The following SAMMSON variants were observed in gnomAD, a reference collection of about 807,000 sequenced individuals.
SAMMSON encodes survival associated mitochondrial melanoma specific oncogenic non-coding RNA.
intron 7 of SAMMSON, among the ~76,000 whole-genome samples, chr3:70,328,197 A>T (rs1702592034): frequency 6.6e-6 from 1 of 152,182 alleles, no homozygotes; most frequent in South Asian, 2.1e-4. Flanking sequence ...CCCTTCCACA[A>T]CACGTGGGAA....
intron 2 of SAMMSON, among the ~76,000 whole-genome samples, chr3:70,398,556 C>T (rs1045352803): frequency 2.0e-5 from 3 of 152,076 alleles, no homozygotes; most frequent in African/African-American, 7.2e-5. Flanking sequence ...ATGTGTTTGA[C>T]CAGTTTAAGT....
chr3:70,123,977 T>C (rs1019325066), intron 4 of SAMMSON, among the ~76,000 whole-genome samples: 1 of 152,244 alleles, frequency 6.6e-6, no homozygotes, highest in Admixed American at 6.5e-5. Flanking sequence ...CCATTTTCAA[T>C]GTTGTTGCCT....
At chr3:70,185,981 A>AAACCCAG (rs1023880234) in intron 4 of SAMMSON, among the ~76,000 whole-genome samples, 14 of 152,084 alleles carry the variant, frequency 9.2e-5, no homozygotes, top group Non-Finnish European at 1.8e-4. Flanking sequence ...TGTCTCAAAA[A>AAACCCAG]AACCCAGAAA....
chr3:70,011,599 GT>G (rs1328336932), intron 1 of SAMMSON, among the ~76,000 whole-genome samples: 9 of 149,538 alleles, frequency 6.0e-5, no homozygotes, highest in Non-Finnish European at 1.3e-4. Flanking sequence ...GAAATGAAGA[GT>G]TTACTTTTTT....
At chr3:70,153,143 C>T (rs755819131) in intron 4 of SAMMSON, among the ~76,000 whole-genome samples, 2 of 151,838 alleles carry the variant, frequency 1.3e-5, no homozygotes, top group South Asian at 2.1e-4. Context: ...AGGTGAGGGG[C>T]GTTATTCTGT....
intron 6 of SAMMSON, among the ~76,000 whole-genome samples, chr3:70,268,195 G>A (rs1183789329): frequency 6.6e-6 from 1 of 152,120 alleles, no homozygotes; most frequent in Non-Finnish European, 1.5e-5. Context: ...CTCCGGCTGG[G>A]CGCGGTAGCT....
intron 4 of SAMMSON, among the ~76,000 whole-genome samples, chr3:70,084,510 G>C (rs148742821): frequency 3.1e-4 from 47 of 152,194 alleles, no homozygotes; most frequent in African/African-American, 1.1e-3. Context: ...ACTGGGGTTG[G>C]AGAAGACAAT....
intron 4 of SAMMSON, among the ~76,000 whole-genome samples, chr3:70,098,577 C>T (rs539711824): frequency 2.6e-4 from 39 of 152,166 alleles, no homozygotes; most frequent in African/African-American, 9.2e-4. Context: ...CCATCTTGGC[C>T]AGGTTGGTCT....
At chr3:70,078,662 T>G (rs2067257307) in intron 4 of SAMMSON, among the ~76,000 whole-genome samples, 1 of 152,176 alleles carries the variant, frequency 6.6e-6, no homozygotes, top group South Asian at 2.1e-4. Flanking sequence ...CCTTTACTTT[T>G]AAGCAACTGA....
At chr3:70,222,374 T>C (rs2106737703) in intron 4 of SAMMSON, among the ~76,000 whole-genome samples, 1 of 152,360 alleles carries the variant, frequency 6.6e-6, no homozygotes, top group East Asian at 1.9e-4. Flanking sequence ...TTGGCATTTT[T>C]ATTTTTGTCA....
intron 4 of SAMMSON, among the ~76,000 whole-genome samples, chr3:70,137,087 T>TA (rs2067509090): frequency 6.6e-6 from 1 of 152,202 alleles, no homozygotes; most frequent in Non-Finnish European, 1.5e-5. Flanking sequence ...TCTCCCATCT[T>TA]ACGTCCAATG....
chr3:70,197,749 G>T (rs1357155236), intron 4 of SAMMSON, among the ~76,000 whole-genome samples: 2 of 152,144 alleles, frequency 1.3e-5, no homozygotes, highest in Non-Finnish European at 2.9e-5. Context: ...TTTGGGTTGT[G>T]TTTTATTTTT....
chr3:70,121,174 G>A (rs10084760), intron 4 of SAMMSON, among the ~76,000 whole-genome samples: 40,507 of 152,050 alleles, frequency 0.27, 5,659 homozygotes, highest in East Asian at 0.51. Flanking sequence ...GACAGGAGGC[G>A]GAGCTCAGGT....
chr3:70,380,079 C>T (rs1169951010), intron 9 of SAMMSON, among the ~76,000 whole-genome samples: 1 of 151,636 alleles, frequency 6.6e-6, no homozygotes, highest in South Asian at 2.1e-4. Context: ...AAAATAAATA[C>T]ATTTATATAA....
intron 9 of SAMMSON, among the ~76,000 whole-genome samples, chr3:70,367,365 C>A (rs1702930589): frequency 6.6e-6 from 1 of 151,514 alleles, no homozygotes; most frequent in African/African-American, 2.4e-5. Context: ...CTACTCTCTA[C>A]CTTCATGAGA....
intron 4 of SAMMSON, among the ~76,000 whole-genome samples, chr3:70,074,122 G>T (rs558195254): frequency 6.6e-6 from 1 of 151,972 alleles, no homozygotes; most frequent in East Asian, 1.9e-4. Context: ...TCAATTGAAA[G>T]AATTTTCTCC....
intron 8 of SAMMSON, among the ~76,000 whole-genome samples, chr3:70,357,566 A>C (rs1036693850): frequency 6.6e-6 from 1 of 152,222 alleles, no homozygotes; most frequent in African/African-American, 2.4e-5. Context: ...GTGGGGAACA[A>C]CACACACCAG....
Position 70,221,768 on chromosome 3 carries a change from G to A in SAMMSON, n.508-27339G>A, listed in dbSNP as rs17006864. On this transcript the variant is annotated intron_variant and non_coding_transcript_variant, in intron 4 of 9. Transcript: ENST00000642114. Reference sequence around the variant, plus strand: ...GGCTGTTGTCCCAATCCTTGGGACCGTGATTATATCGAGCATCATTGTTAA... The same window carrying A: ...GGCTGTTGTCCCAATCCTTGGGACCATGATTATATCGAGCATCATTGTTAA... Among the ~76,000 whole-genome samples the A allele has an allele frequency of 6.9e-3, 1,045 of 152,286 alleles. 61 individuals carry two copies. The East Asian group carries it at 0.15, about 21-fold the overall frequency.
At chr3:70,194,016 A>G (rs895677967) in intron 4 of SAMMSON, among the ~76,000 whole-genome samples, 1 of 152,212 alleles carries the variant, frequency 6.6e-6, no homozygotes, top group African/African-American at 2.4e-5. Flanking sequence ...TTGTAGGCCT[A>G]TCAGCTTATG....
Sources: allele counts gnomAD v4.1 joint callset (sites outside exome capture counted in the v4.1 genomes callset), GRCh38; gene constraint gnomAD v4.1.1; transcripts MANE v1.5; gene names NCBI Gene and HGNC (gene_info 2026-07-23, HGNC 2026-07-21).